The following ZNF454 variants were observed in gnomAD, a reference collection of about 807,000 sequenced individuals.
The protein encoded by ZNF454 is zinc finger protein 454.
ZNF454 carries 30 observed loss-of-function variants against 48.2 expected under a neutral mutation model. The observed-to-expected ratio is 0.62, with a 90% CI of 0.47 to 0.84. ZNF454 has a LOEUF of 0.84. Ranked by LOEUF, ZNF454 falls within the 40% of genes least tolerant of loss-of-function variation. The probability of loss-of-function intolerance (pLI) is 0.00; values close to 1 mark genes in which losing one functional copy is unlikely to be tolerated. For missense variants in ZNF454, 510 were observed against 623.1 expected (o/e 0.82, Z 1.93); for synonymous variants, 204 against 211.4 (o/e 0.97, Z 0.30).
At chr5:178,988,887 G>GC in the ZNF454 span, 4 of 1,506,060 alleles carry the variant, frequency 2.7e-6, no homozygotes, top group South Asian at 4.6e-5. This position sits in a 1 kb window ranked among gnomAD's most constrained non-coding sequence, Gnocchi z 6.0. Context: ...GCAAAATCCA[G>GC]CCCCCCAGCT....
the ZNF454 span, chr5:178,986,799 T>C: frequency 5.6e-6 from 9 of 1,612,400 alleles, no homozygotes; most frequent in Non-Finnish European, 7.6e-6. Flanking sequence ...TCCGGGATCC[T>C]GGGCCCATGC....
At chr5:178,975,745 TCA>T in the ZNF454 span, 1 of 404,710 alleles carries the variant, frequency 2.5e-6, no homozygotes, top group Non-Finnish European at 5.2e-6. Context: ...GCTATGGTAC[TCA>T]GTTACTTAAT....
the ZNF454 span, chr5:178,985,567 G>C: frequency 2.9e-6 from 1 of 339,082 alleles, no homozygotes; most frequent in African/African-American, 2.2e-5. Context: ...GCCGGGCGTG[G>C]TGGCGGGCGC....
the ZNF454 span, among the ~76,000 whole-genome samples, chr5:178,973,728 A>G: frequency 3.5e-3 from 539 of 152,044 alleles, no homozygotes; most frequent in African/African-American, 0.013. Context: ...CTGTAGTCCC[A>G]GCTACTCGGG....
chr5:178,978,567 T>TGAGA, the ZNF454 span: 1 of 152,300 alleles, frequency 6.6e-6, no homozygotes, highest in East Asian at 1.9e-4. Flanking sequence ...GGACCACAGG[T>TGAGA]GAGACCTTAT....
At chr5:178,979,413 G>A in the ZNF454 span, 1 of 152,224 alleles carries the variant, frequency 6.6e-6, no homozygotes, top group Non-Finnish European at 1.5e-5. Context: ...AACAGAGGAT[G>A]TCCCCCTGTA....
the ZNF454 span, chr5:178,986,668 T>C: frequency 1.9e-6 from 3 of 1,603,068 alleles, no homozygotes; most frequent in East Asian, 6.7e-5. Flanking sequence ...CTTCACCATC[T>C]TCTTCCGCTC....
At chr5:178,954,729 C>T (rs1403633787) in intron 4 of ZNF454, among the ~76,000 whole-genome samples, 1 of 152,322 alleles carries the variant, frequency 6.6e-6, no homozygotes, top group African/African-American at 2.4e-5. Flanking sequence ...CCTTCCCCTG[C>T]CCACAGGGCC....
Position 178,965,889 on chromosome 5 carries a change from C to T in ZNF454, c.1485C>T (p.Pro495=). The change falls in exon 5 of 5, where the codon CCC becomes CCT. Residue 495 remains proline, a synonymous_variant. Transcript: ENST00000519564. The surrounding 1 kb of genome is among the most constrained non-coding windows in gnomAD (Gnocchi z 5.2). Reference sequence around the variant, plus strand: ...AGAGGATTCACACAGGAGAGAAACCCTATAAATGTAATAAATGTGGGAAAG... The same window carrying T: ...AGAGGATTCACACAGGAGAGAAACCTTATAAATGTAATAAATGTGGGAAAG... The part of the protein sequence containing the change: ...QHQRIHTGEK[P]YKCNKCGKAF... 6.2e-7 allele frequency: 1 copy of T among 1,611,624 alleles called. No individual in the cohort carries two copies. The highest frequency in any genetic ancestry group is 1.1e-5 in the South Asian group (1 of 90,796).
At chr5:178,985,259 A>G in the ZNF454 span, 1 of 456,612 alleles carries the variant, frequency 2.2e-6, no homozygotes, top group Non-Finnish European at 4.4e-6. Context: ...TTTAGAAAAT[A>G]ACTTCACTGT....
intron 2 of ZNF454, among the ~76,000 whole-genome samples, chr5:178,943,887 C>T (rs1348298033): frequency 6.6e-6 from 1 of 151,972 alleles, no homozygotes; most frequent in African/African-American, 2.4e-5. Flanking sequence ...ATTAGCTGGG[C>T]GTGGTGGTGG....
At chr5:178,984,070 C>G in the ZNF454 span, among the ~76,000 whole-genome samples, 10 of 152,164 alleles carry the variant, frequency 6.6e-5, no homozygotes, top group Admixed American at 4.6e-4. Context: ...CCAAAGGCAG[C>G]AGACCCCTGA....
the ZNF454 span, among the ~76,000 whole-genome samples, chr5:178,973,623 C>T: frequency 1.3e-5 from 2 of 152,120 alleles, no homozygotes; most frequent in South Asian, 4.1e-4. Flanking sequence ...GCGGGCGGAT[C>T]ACAAGGTCAG....
Position 178,946,817 on chromosome 5 carries a change from G to A in ZNF454, c.161-80G>A. ...AGTCCCATTTCCCAGCAAGCTCTGAGGACCAGGCTTTGTCTTTGCAGTGAT... is the reference window on the plus strand; with the variant it reads ...AGTCCCATTTCCCAGCAAGCTCTGAAGACCAGGCTTTGTCTTTGCAGTGAT... On this transcript the variant is annotated intron_variant, in intron 3 of 4. Transcript: ENST00000519564. This position sits in a 1 kb window ranked among gnomAD's most constrained non-coding sequence, Gnocchi z 4.5. 7.5e-7 allele frequency: 1 copy of A among 1,326,720 alleles called. No homozygotes were observed. Among genetic ancestry groups the A allele is most frequent in the Admixed American group, 1.8e-5 (1 of 54,856 alleles). 82.2% of individuals were successfully genotyped at this position (1,326,720 alleles called of 1,614,324 possible). A position where few individuals can be genotyped will look rare whatever the true frequency, so the allele number is the denominator to read the frequency against.
At chr5:178,959,814 C>T (rs958851363) in intron 4 of ZNF454, among the ~76,000 whole-genome samples, 18 of 151,920 alleles carry the variant, frequency 1.2e-4, no homozygotes, top group African/African-American at 4.3e-4. Context: ...ACCGTGTTAG[C>T]CAGGATGGTC....
chr5:178,967,827 C>G (rs1760188065), downstream of ZNF454, among the ~76,000 whole-genome samples: 1 of 148,488 alleles, frequency 6.7e-6, no homozygotes, highest in Admixed American at 6.8e-5. Context: ...GTAACTTCCA[C>G]CTCCTGGGTT....
chr5:178,973,783 C>T, the ZNF454 span, among the ~76,000 whole-genome samples: 1 of 146,024 alleles, frequency 6.8e-6, no homozygotes, highest in Admixed American at 7.1e-5. Context: ...GCGGAGCTTG[C>T]AGTGAGCCGA....
the ZNF454 span, chr5:178,989,217 ACCACCCTCC>A: frequency 1.3e-3 from 1,239 of 957,484 alleles, 5 homozygotes; most frequent in African/African-American, 0.021. Context: ...CCCCACCCTC[ACCACCCTCC>A]CCACCCTCCC....
the ZNF454 span, chr5:178,985,565 T>C: frequency 1.9e-3 from 651 of 338,486 alleles, 6 homozygotes; most frequent in South Asian, 6.0e-3. Flanking sequence ...TAGCCGGGCG[T>C]GGTGGCGGGC....
Sources: gnomAD v4.1 joint callset for allele counts (sites outside exome capture counted in the v4.1 genomes callset) on GRCh38, gnomAD v4.1.1 for gene constraint, Gnocchi (gnomAD v3.1) non-coding constraint, MANE v1.5 for transcripts, NCBI Gene and HGNC (gene_info 2026-07-23, HGNC 2026-07-21) for gene names.